FOXN3: variants seen among roughly 807,000 people sequenced by gnomAD.
FOXN3 encodes forkhead box N3.
A neutral mutation model predicts 38.4 loss-of-function variants in FOXN3; 7 were observed. The observed-to-expected ratio is 0.18, with a 90% CI of 0.10 to 0.34. The LOEUF (loss-of-function observed/expected upper bound fraction) is 0.34, where lower values mean the gene tolerates loss of function less well. Ranked by LOEUF, FOXN3 falls within the 10% of genes least tolerant of loss-of-function variation. FOXN3 has a pLI of 1.00. For missense variants in FOXN3, 456 were observed against 613.4 expected (o/e 0.74, Z 2.71); for synonymous variants, 230 against 242.2 (o/e 0.95, Z 0.47).
intron 3 of FOXN3, among the ~76,000 whole-genome samples, chr14:89,320,721 G>A (rs951523470): frequency 6.6e-6 from 1 of 152,210 alleles, no homozygotes; most frequent in Non-Finnish European, 1.5e-5. Flanking sequence ...CAGGAAGGCT[G>A]ATAGCATGAG....
intron 1 of FOXN3, among the ~76,000 whole-genome samples, chr14:89,481,547 C>G (rs909105071): frequency 6.6e-6 from 1 of 152,104 alleles, no homozygotes; most frequent in African/African-American, 2.4e-5. Flanking sequence ...GTGCAATACT[C>G]AAAAACGAGG....
intron 1 of FOXN3, among the ~76,000 whole-genome samples, chr14:89,504,636 C>T (rs1328528306): frequency 6.6e-6 from 1 of 152,194 alleles, no homozygotes; most frequent in Non-Finnish European, 1.5e-5. Flanking sequence ...CTACCACTTC[C>T]CCACCAACCA....
chr14:89,225,476 C>T (rs576239734), intron 4 of FOXN3, among the ~76,000 whole-genome samples: 62 of 146,698 alleles, frequency 4.2e-4, no homozygotes, highest in Middle Eastern at 3.8e-3. Context: ...TGGTGGTGGG[C>T]GCCTGTAGTC....
At chr14:89,278,658 G>C (rs1197326822) in intron 4 of FOXN3, among the ~76,000 whole-genome samples, 1 of 152,100 alleles carries the variant, frequency 6.6e-6, no homozygotes, top group Non-Finnish European at 1.5e-5. Flanking sequence ...CCATCTTTGG[G>C]GACAAGCATC....
At position 89,345,808 on chromosome 14, in the gene FOXN3, A is replaced by C. The variant is rs189480374; in HGVS notation, c.680+4864T>G. Among the ~76,000 whole-genome samples the C allele has an allele frequency of 2.0e-5, 3 of 152,334 alleles. No individual in the cohort carries two copies. The East Asian group carries it at 5.8e-4, about 29-fold the overall frequency. On this transcript the variant is annotated intron_variant, in intron 3 of 5. Transcript: ENST00000557258. ...CACAGTGGCTCACGCCTGTAATCCCACTTAGGGAGACCGAGGTGGTGGATC... is the reference window on the plus strand; with the variant it reads ...CACAGTGGCTCACGCCTGTAATCCCCCTTAGGGAGACCGAGGTGGTGGATC...
chr14:89,304,476 G>C (rs774609191), intron 3 of FOXN3, among the ~76,000 whole-genome samples: 7 of 152,140 alleles, frequency 4.6e-5, no homozygotes, highest in Non-Finnish European at 7.3e-5. Context: ...AGATCATATA[G>C]AAAAGAGAAC....
At chr14:89,563,963 C>T (rs919572415) in intron 1 of FOXN3, among the ~76,000 whole-genome samples, 6 of 152,118 alleles carry the variant, frequency 3.9e-5, no homozygotes, top group African/African-American at 1.2e-4. Flanking sequence ...AATTCTCCTG[C>T]CTCAGTCTCC....
intron 3 of FOXN3, among the ~76,000 whole-genome samples, chr14:89,336,403 C>G (rs1423342549): frequency 1.3e-5 from 2 of 152,198 alleles, no homozygotes; most frequent in Non-Finnish European, 2.9e-5. Context: ...CACTATGCTA[C>G]AAACCCTAAA....
At chr14:89,596,144 G>T (rs1264627277) in intron 1 of FOXN3, among the ~76,000 whole-genome samples, 2 of 151,890 alleles carry the variant, frequency 1.3e-5, no homozygotes, top group African/African-American at 4.8e-5. Context: ...ATATTTTATT[G>T]ATTGATTGAT....
intron 1 of FOXN3, among the ~76,000 whole-genome samples, chr14:89,587,183 T>C (rs542154662): frequency 6.6e-6 from 1 of 152,370 alleles, no homozygotes; most frequent in African/African-American, 2.4e-5. Flanking sequence ...AACCCCGGTC[T>C]TTTTCTCTTG....
intron 4 of FOXN3, among the ~76,000 whole-genome samples, chr14:89,183,726 A>G (rs1200894127): frequency 6.6e-6 from 1 of 152,188 alleles, no homozygotes; most frequent in East Asian, 1.9e-4. Flanking sequence ...ACAGCACACA[A>G]TCCTAGCAGA....
chr14:89,407,842 C>A (rs1417652297), intron 2 of FOXN3, among the ~76,000 whole-genome samples: 11 of 152,018 alleles, frequency 7.2e-5, no homozygotes, highest in Non-Finnish European at 8.8e-5. Context: ...AAACAAAAAA[C>A]CGAAAAACAA....
chr14:89,249,469 A>C (rs540840933), intron 4 of FOXN3, among the ~76,000 whole-genome samples: 3 of 152,252 alleles, frequency 2.0e-5, no homozygotes, highest in Non-Finnish European at 4.4e-5. Flanking sequence ...CAACGCAGAC[A>C]CCGTGATACT....
intron 1 of FOXN3, among the ~76,000 whole-genome samples, chr14:89,591,449 T>C (rs1895948738): frequency 6.6e-6 from 1 of 152,166 alleles, no homozygotes. Flanking sequence ...TACTGATATT[T>C]GAGGAACTGG....
intron 1 of FOXN3, among the ~76,000 whole-genome samples, chr14:89,522,320 C>T (rs983534814): frequency 5.3e-5 from 8 of 152,016 alleles, no homozygotes; most frequent in Non-Finnish European, 1.0e-4. Context: ...ATGAAAAAAG[C>T]TGAAAGAATT....
At chr14:89,586,607 T>G (rs1187364840) in intron 1 of FOXN3, among the ~76,000 whole-genome samples, 1 of 152,236 alleles carries the variant, frequency 6.6e-6, no homozygotes, top group Non-Finnish European at 1.5e-5. Flanking sequence ...GGTATGCTGT[T>G]TTTTTGTTTG....
chr14:89,320,541 T>C (rs1314533222), intron 3 of FOXN3, among the ~76,000 whole-genome samples: 11 of 152,342 alleles, frequency 7.2e-5, no homozygotes, highest in Non-Finnish European at 1.0e-4. Flanking sequence ...TCCTCTTGCA[T>C]ACCTCGGTGA....
At chr14:89,249,026 C>T (rs974748752) in intron 4 of FOXN3, among the ~76,000 whole-genome samples, 3 of 152,234 alleles carry the variant, frequency 2.0e-5, no homozygotes, top group Non-Finnish European at 4.4e-5. Context: ...AACCAGGCTA[C>T]TTGAATGCCA....
chr14:89,470,306 A>G (rs1248101271), intron 1 of FOXN3, among the ~76,000 whole-genome samples: 1 of 152,144 alleles, frequency 6.6e-6, no homozygotes, highest in Non-Finnish European at 1.5e-5. Context: ...AAAAAAAAAA[A>G]AAGCATTAAA....
Sources: gnomAD v4.1 joint callset for allele counts (sites outside exome capture counted in the v4.1 genomes callset) on GRCh38, gnomAD v4.1.1 for gene constraint, MANE v1.5 for transcripts, NCBI Gene and HGNC (gene_info 2026-07-23, HGNC 2026-07-21) for gene names.